Variants in EXT1 observed in about 807,000 individuals in gnomAD.
EXT1 encodes exostosin-1.
In EXT1, 20 loss-of-function variants were observed where a neutral mutation model predicts 82.5. The observed-to-expected ratio is 0.24, with a 90% CI of 0.17 to 0.35. EXT1 has a LOEUF of 0.35. Among genes scored for constraint, EXT1 ranks in the 10% least tolerant of loss-of-function variants. The probability of loss-of-function intolerance (pLI) is 1.00; values close to 1 mark genes in which losing one functional copy is unlikely to be tolerated. For missense variants in EXT1, 757 were observed against 936.5 expected (o/e 0.81, Z 2.50); for synonymous variants, 348 against 350.8 (o/e 0.99, Z 0.09).
intron 1 of EXT1, among the ~76,000 whole-genome samples, chr8:118,101,583 G>A (rs1817719468): frequency 6.6e-6 from 1 of 152,204 alleles, no homozygotes. Flanking sequence ...TGCAGATTCT[G>A]AAATCCCAGG....
intron 1 of EXT1, among the ~76,000 whole-genome samples, chr8:118,074,546 T>C (rs752410926): frequency 6.7e-6 from 1 of 148,178 alleles, no homozygotes; most frequent in African/African-American, 2.5e-5. Context: ...AGTTGCCTCG[T>C]AGGGGGCTAC....
At chr8:117,991,753 C>T (rs550903361) in intron 1 of EXT1, among the ~76,000 whole-genome samples, 8 of 151,924 alleles carry the variant, frequency 5.3e-5, no homozygotes, top group Non-Finnish European at 8.8e-5. Flanking sequence ...GTGGACACAG[C>T]GTTTCACCAT....
intron 1 of EXT1, among the ~76,000 whole-genome samples, chr8:117,925,338 A>C (rs2129640511): frequency 6.7e-6 from 1 of 148,230 alleles, no homozygotes; most frequent in South Asian, 2.2e-4. Flanking sequence ...TTGAAGAATG[A>C]GTGAATCAAT....
At chr8:117,882,677 A>G (rs184071969) in intron 1 of EXT1, among the ~76,000 whole-genome samples, 2 of 152,266 alleles carry the variant, frequency 1.3e-5, no homozygotes, top group East Asian at 3.9e-4. Context: ...TATTCTGGGT[A>G]TAAAAATATG....
chr8:117,875,209 G>A (rs568997176), intron 1 of EXT1, among the ~76,000 whole-genome samples: 1 of 152,162 alleles, frequency 6.6e-6, no homozygotes, highest in South Asian at 2.1e-4. Context: ...TTGAGGTCAG[G>A]AGTTCGAGAC....
chr8:117,839,480 A>C (rs1301760068), intron 1 of EXT1, among the ~76,000 whole-genome samples: 3 of 152,180 alleles, frequency 2.0e-5, no homozygotes, highest in African/African-American at 7.2e-5. Context: ...GTATCTGTTC[A>C]TATGTATGCA....
At position 117,835,564 on chromosome 8, in the gene EXT1, G is replaced by A. The variant is rs765172169; in HGVS notation, c.1057-13C>T. On this transcript the variant is annotated splice_polypyrimidine_tract_variant and intron_variant, in intron 2 of 10. Coordinates refer to ENST00000378204, the MANE Select transcript of EXT1 (RefSeq NM_000127.3). ...GGACGCAGGCAGCCTGAGCAAAAAA[G>A]GGGACTTCGTGAATGTGAGGAAAGC... The A allele has an allele frequency of 3.8e-6, 6 of 1,599,268 alleles. No individual in the cohort carries two copies. The highest frequency in any genetic ancestry group is 2.2e-5 in the East Asian group (1 of 44,846).
chr8:117,993,535 T>G (rs1424174819), intron 1 of EXT1, among the ~76,000 whole-genome samples: 1 of 152,248 alleles, frequency 6.6e-6, no homozygotes, highest in African/African-American at 2.4e-5. Flanking sequence ...GCCTTAAGTT[T>G]ATCATCTATT....
chr8:118,056,819 T>C (rs1162498747), intron 1 of EXT1, among the ~76,000 whole-genome samples: 3 of 152,188 alleles, frequency 2.0e-5, no homozygotes, highest in African/African-American at 7.2e-5. Flanking sequence ...AAGAGAACTT[T>C]ATGTATCTTT....
chr8:118,083,236 C>T (rs1239021010), intron 1 of EXT1, among the ~76,000 whole-genome samples: 1 of 152,150 alleles, frequency 6.6e-6, no homozygotes, highest in Admixed American at 6.5e-5. Context: ...GTGAATGAGC[C>T]TAGGACACAA....
chr8:118,070,723 T>G (rs1392536206), intron 1 of EXT1, among the ~76,000 whole-genome samples: 2 of 152,156 alleles, frequency 1.3e-5, no homozygotes, highest in Admixed American at 1.3e-4. Context: ...ATCACAAGAA[T>G]AGCAGACAGG....
chr8:118,022,483 G>T (rs375557669), intron 1 of EXT1, among the ~76,000 whole-genome samples: 3 of 150,596 alleles, frequency 2.0e-5, no homozygotes, highest in Non-Finnish European at 4.4e-5. Flanking sequence ...GATTATAGGC[G>T]CATGCCACCA....
rs1174842840 is a variant in EXT1, at chr8:117,799,331, T to G, written c.*381A>C. The G allele has an allele frequency of 3.7e-6, 1 of 267,026 alleles. No homozygotes were observed. Among genetic ancestry groups the G allele is most frequent in the Admixed American group, 4.9e-5 (1 of 20,216 alleles). The allele number at this position is 267,026 out of a possible 1,614,324, so 16.5% of individuals were successfully genotyped here. A position where few individuals can be genotyped will look rare whatever the true frequency, so the allele number is the denominator to read the frequency against. Reference sequence around the variant, plus strand: ...ACAATGATGTCTGTGGGAAAAGGAATAGCAGCTTTGAAATATTCACAACCA... The same window carrying G: ...ACAATGATGTCTGTGGGAAAAGGAAGAGCAGCTTTGAAATATTCACAACCA... On this transcript the variant is annotated 3_prime_UTR_variant, in exon 11 of 11. Transcript: ENST00000378204.
At chr8:117,920,395 C>A (rs988155400) in intron 1 of EXT1, among the ~76,000 whole-genome samples, 1 of 152,202 alleles carries the variant, frequency 6.6e-6, no homozygotes, top group South Asian at 2.1e-4. Context: ...AGCCACCGCA[C>A]CTGGCCCAAT....
chr8:117,824,949 C>T (rs1168175484), intron 4 of EXT1, among the ~76,000 whole-genome samples: 1 of 152,100 alleles, frequency 6.6e-6, no homozygotes, highest in Non-Finnish European at 1.5e-5. Context: ...TCTGTGCAGC[C>T]TCAAACTCCT....
intron 1 of EXT1, among the ~76,000 whole-genome samples, chr8:117,916,518 C>T (rs754892099): frequency 3.3e-5 from 5 of 151,946 alleles, no homozygotes; most frequent in African/African-American, 9.7e-5. Context: ...GCAACATATA[C>T]GTAATGAGAA....
intron 1 of EXT1, among the ~76,000 whole-genome samples, chr8:117,925,153 G>C (rs1414802385): frequency 3.3e-5 from 5 of 152,194 alleles, no homozygotes; most frequent in African/African-American, 1.2e-4. Flanking sequence ...AAATGGGAAT[G>C]CATTTGAAGT....
intron 1 of EXT1, among the ~76,000 whole-genome samples, chr8:118,068,920 G>A (rs1329252827): frequency 6.6e-6 from 1 of 152,100 alleles, no homozygotes; most frequent in Non-Finnish European, 1.5e-5. Context: ...AGCCTAAGCT[G>A]CAAGAAGCTT....
chr8:118,046,832 C>A (rs921092842), intron 1 of EXT1, among the ~76,000 whole-genome samples: 1 of 152,186 alleles, frequency 6.6e-6, no homozygotes, highest in African/African-American at 2.4e-5. Context: ...AAGAAAAGAT[C>A]GTGCAGAAAA....
Sources: gnomAD v4.1 joint callset for allele counts (sites outside exome capture counted in the v4.1 genomes callset) on GRCh38, gnomAD v4.1.1 for gene constraint, MANE v1.5 for transcripts, NCBI Gene and HGNC (gene_info 2026-07-23, HGNC 2026-07-21) for gene names.